The following DEPDC5 variants were observed in gnomAD, a reference collection of about 807,000 sequenced individuals.
DEPDC5 encodes the protein GATOR1 complex protein DEPDC5.
DEPDC5 carries 73 observed loss-of-function variants against 217.3 expected under a neutral mutation model. That is an observed-to-expected ratio of 0.34 (90% CI 0.28 to 0.41). The LOEUF (loss-of-function observed/expected upper bound fraction) is 0.41. DEPDC5 is among the 10% of genes least tolerant of loss of function. The pLI is 1.00. For missense variants in DEPDC5, 1,675 were observed against 2,070.1 expected, an observed-to-expected ratio of 0.81 and a Z score of 3.70; for synonymous variants, 733 against 756.7, an observed-to-expected ratio of 0.97 and a Z score of 0.51.
At chr22:31,832,361 C>T (rs1449615090) in intron 24 of DEPDC5, among the ~76,000 whole-genome samples, 1 of 152,174 alleles carries the variant, frequency 6.6e-6, no homozygotes, top group Non-Finnish European at 1.5e-5. Flanking sequence ...TGCCATTTTG[C>T]ATTGTTATCA....
At chr22:31,825,316 T>C (rs1484459487) in intron 24 of DEPDC5, among the ~76,000 whole-genome samples, 2 of 152,222 alleles carry the variant, frequency 1.3e-5, no homozygotes, top group Non-Finnish European at 2.9e-5. Flanking sequence ...AAAAGAAGTT[T>C]CAAAGAATCT....
chr22:31,821,762 G>A, intron 23 of DEPDC5, 125 bp downstream of exon 23: 1 of 1,370,980 alleles, frequency 7.3e-7, no homozygotes, highest in Non-Finnish European at 9.8e-7. Context: ...ATGAGGTCAG[G>A]GCCTTCCTTT....
intron 24 of DEPDC5, among the ~76,000 whole-genome samples, chr22:31,824,219 G>A (rs1012800038): frequency 1.3e-5 from 2 of 152,166 alleles, no homozygotes; most frequent in African/African-American, 4.8e-5. Flanking sequence ...GGTGGCATAT[G>A]CCTGTAATCC....
At chr22:31,839,504 T>C (rs1444002637) in intron 27 of DEPDC5, among the ~76,000 whole-genome samples, 1 of 131,138 alleles carries the variant, frequency 7.6e-6, no homozygotes, top group East Asian at 2.2e-4. Context: ...TGTCTCTTCA[T>C]TATTGCTAAC....
chr22:31,771,446 G>T (rs1253946203), intron 7 of DEPDC5, among the ~76,000 whole-genome samples: 1 of 152,056 alleles, frequency 6.6e-6, no homozygotes, highest in Admixed American at 6.6e-5. Context: ...TTAAAAAATT[G>T]CTGGTTGGCT....
intron 18 of DEPDC5, among the ~76,000 whole-genome samples, chr22:31,807,056 G>A (rs2087632594): frequency 6.6e-6 from 1 of 152,190 alleles, no homozygotes; most frequent in Non-Finnish European, 1.5e-5. Context: ...TGTAACAAGA[G>A]TGGGAATTCT....
At chr22:31,817,869 A>G (rs141892129) in intron 21 of DEPDC5, among the ~76,000 whole-genome samples, 3 of 151,852 alleles carry the variant, frequency 2.0e-5, no homozygotes, top group Admixed American at 6.6e-5. Context: ...TTTATTTTGT[A>G]AGTTAGAGCA....
At position 31,874,382 on chromosome 22, in the gene DEPDC5, G is replaced by A; in HGVS notation, c.3673G>A (p.Ala1225Thr). Residue 1225 changes from alanine (A) to threonine (T), a missense_variant, in exon 36 of 43, where the codon GCG (alanine) becomes ACG (threonine). Around this residue, in one of 11 missense-constraint regions of DEPDC5, gnomAD observed 194 missense variants for 199.3 expected, o/e 0.97. Transcript: ENST00000651528. Reference sequence around the variant, plus strand: ...CCACGTGGAGGGGATCCAGACACAGGCGATGGCCATTGACATCATGCAGGT... The same window carrying A: ...CCACGTGGAGGGGATCCAGACACAGACGATGGCCATTGACATCATGCAGGT... The part of the protein sequence containing the change: ...VNHVEGIQTQ[A>T]MAIDIMQKML... The A allele has an allele frequency of 6.2e-7, 1 of 1,612,628 alleles. No homozygotes were observed. Among genetic ancestry groups the A allele is most frequent in the Non-Finnish European group, 8.5e-7 (1 of 1,179,466 alleles).
chr22:31,842,195 G>A (rs1205984693), intron 27 of DEPDC5, among the ~76,000 whole-genome samples: 1 of 152,220 alleles, frequency 6.6e-6, no homozygotes, highest in Non-Finnish European at 1.5e-5. Context: ...GATGGGGCCT[G>A]ATGGCTTTCT....
Position 31,829,400 on chromosome 22 carries a change from C to T in DEPDC5, c.2105-4515C>T, listed in dbSNP as rs370782551. 2.1e-4 allele frequency among the ~76,000 whole-genome samples: 32 copies of T among 152,184 alleles called. No homozygotes were observed. The East Asian group carries it at 5.2e-3, about 25-fold the overall frequency. Reference sequence around the variant, plus strand: ...TACAAATATTAGCTGGGCGTGGTGGCGGGCGCCTGTAATCCCAGCGACTTG... The same window carrying T: ...TACAAATATTAGCTGGGCGTGGTGGTGGGCGCCTGTAATCCCAGCGACTTG... On this transcript the variant is annotated intron_variant, in intron 24 of 42. Transcript: ENST00000651528.
At chr22:31,809,695 G>T (rs1226834821) in intron 19 of DEPDC5, 48 bp downstream of exon 19, 2 of 1,603,974 alleles carry the variant, frequency 1.2e-6, no homozygotes, top group Admixed American at 3.3e-5. Flanking sequence ...AAGAGAGTCA[G>T]CTGGCTGGGT....
Position 31,765,022 on chromosome 22 carries a change from C to T in DEPDC5, c.241C>T (p.Pro81Ser). The T allele has an allele frequency of 6.2e-7, 1 of 1,614,040 alleles. No homozygotes were observed. ...QTVTQVFRLR[P>S]YQDVYVNVVD... Reference sequence around the variant, plus strand: ...TGTGACTCAAGTGTTCCGGCTGAGACCTTATCAGGATGTCTATGTTAATGT... The same window carrying T: ...TGTGACTCAAGTGTTCCGGCTGAGATCTTATCAGGATGTCTATGTTAATGT... The change falls in exon 5 of 43, where the codon CCT becomes TCT. Residue 81 changes from proline to serine, a missense_variant. Transcript: ENST00000651528.
At chr22:31,787,308 C>T (rs1052015642) in intron 10 of DEPDC5, among the ~76,000 whole-genome samples, 4 of 152,010 alleles carry the variant, frequency 2.6e-5, no homozygotes, top group South Asian at 2.1e-4. Flanking sequence ...TGGTCTCAAA[C>T]CCCTGAGCTC....
chr22:31,813,176 T>A (rs1205231934), intron 20 of DEPDC5, among the ~76,000 whole-genome samples: 2 of 152,224 alleles, frequency 1.3e-5, no homozygotes, highest in African/African-American at 4.8e-5. Flanking sequence ...CTGAGAAGGC[T>A]TAGAGCTCAG....
At chr22:31,831,786 A>G (rs2090618141) in intron 24 of DEPDC5, among the ~76,000 whole-genome samples, 2 of 152,224 alleles carry the variant, frequency 1.3e-5, no homozygotes, top group Admixed American at 6.5e-5. Flanking sequence ...TTAAAAATTT[A>G]TGTCCAGTAA....
Position 31,760,639 on chromosome 22 carries a change from G to A in DEPDC5, c.147-17G>A, listed in dbSNP as rs192624055. 2.6e-5 allele frequency: 42 copies of A among 1,611,212 alleles called. No individual in the cohort carries two copies. In the East Asian group the frequency reaches 6.9e-4, roughly 27 times the overall value. ...CTGTTCACGGTATCCCAACTCTCTTGTTGCTTTCTTTTTCAGCCCTCTGCT... is the reference window on the plus strand; with the variant it reads ...CTGTTCACGGTATCCCAACTCTCTTATTGCTTTCTTTTTCAGCCCTCTGCT... On this transcript the variant is annotated splice_polypyrimidine_tract_variant and intron_variant, in intron 3 of 42. Coordinates refer to ENST00000651528, the MANE Select transcript of DEPDC5 (RefSeq NM_001242896.3).
chr22:31,813,595 C>T (rs1203715932), intron 20 of DEPDC5, among the ~76,000 whole-genome samples: 1 of 152,048 alleles, frequency 6.6e-6, no homozygotes, highest in South Asian at 2.1e-4. Context: ...GCTTTTGCTT[C>T]TCTATAGGGC....
At position 31,906,430 on chromosome 22, in the gene DEPDC5, A is replaced by G. The variant is rs1415667624; in HGVS notation, c.4745A>G (p.Asn1582Ser). The G allele has an allele frequency of 3.7e-6, 6 of 1,613,916 alleles. No individual in the cohort carries two copies. The African/African-American group carries it at 6.7e-5, about 18-fold the overall frequency. ...LLKDFTDFCI[N>S]RDNRLVTFWT... Reference sequence around the variant, plus strand: ...AAGGACTTCACGGACTTCTGCATCAACCGTGACAACCGGCTGGTCACGTTC... The same window carrying G: ...AAGGACTTCACGGACTTCTGCATCAGCCGTGACAACCGGCTGGTCACGTTC... Residue 1582 changes from asparagine (N) to serine (S), a missense_variant, in exon 43 of 43, where the codon AAC (asparagine) becomes AGC (serine). Physicochemically the swap from Asn to Ser is conservative, Grantham distance 46. This residue lies in a region of DEPDC5 where 49 missense variants were observed against 74.7 expected (regional missense o/e 0.66). Transcript: ENST00000651528. This position sits in a 1 kb window ranked among gnomAD's most constrained non-coding sequence, Gnocchi z 5.1.
chr22:31,758,230 T>G (rs1188926834), intron 2 of DEPDC5, among the ~76,000 whole-genome samples: 1 of 152,120 alleles, frequency 6.6e-6, no homozygotes. Flanking sequence ...ATACACAATA[T>G]TTGAGGGGGT....
Sources: allele counts gnomAD v4.1 joint callset (sites outside exome capture counted in the v4.1 genomes callset), GRCh38; gene constraint gnomAD v4.1.1; regional missense constraint gnomAD v4.1.1; non-coding constraint Gnocchi (gnomAD v3.1); transcripts MANE v1.5; gene names NCBI Gene and HGNC (gene_info 2026-07-23, HGNC 2026-07-21).